Variants in ITPK1 observed in about 807,000 individuals in gnomAD.
The protein encoded by ITPK1 is inositol-tetrakisphosphate 1-kinase.
ITPK1 carries 21 observed loss-of-function variants against 45.3 expected under a neutral mutation model. That is an observed-to-expected ratio of 0.46 (90% CI 0.33 to 0.67). The LOEUF is 0.67. Ranked by LOEUF, ITPK1 falls within the 30% of genes least tolerant of loss-of-function variation. The pLI, the probability that ITPK1 is intolerant of heterozygous loss-of-function variation, is 0.02. For synonymous variants in ITPK1, 258 were observed against 253.6 expected (o/e 1.02, Z -0.16); for missense variants, 474 against 573.5 (o/e 0.83, Z 1.77).
chr14:93,112,309 T>A (rs1387851557), intron 2 of ITPK1, among the ~76,000 whole-genome samples: 1 of 152,156 alleles, frequency 6.6e-6, no homozygotes, highest in Non-Finnish European at 1.5e-5. Context: ...AGGGGCTAGA[T>A]GAGATGATGG....
intron 10 of ITPK1, among the ~76,000 whole-genome samples, chr14:92,943,806 G>T (rs886189295): frequency 6.6e-6 from 1 of 152,260 alleles, no homozygotes; most frequent in African/African-American, 2.4e-5. Context: ...TGTCTGCAGG[G>T]TGGGAAACTG....
At chr14:92,949,915 G>C (rs1804014471) in intron 9 of ITPK1, among the ~76,000 whole-genome samples, 1 of 152,170 alleles carries the variant, frequency 6.6e-6, no homozygotes. Flanking sequence ...AGGCGTTCAT[G>C]GGTCCCCAGT....
intron 3 of ITPK1, among the ~76,000 whole-genome samples, chr14:93,048,879 C>A (rs547639215): frequency 2.1e-4 from 32 of 152,206 alleles, no homozygotes; most frequent in African/African-American, 7.7e-4. Context: ...AACCCAGGAG[C>A]CAGAGGTTGC....
chr14:93,009,956 C>T (rs1404402478), intron 4 of ITPK1, among the ~76,000 whole-genome samples: 3 of 152,182 alleles, frequency 2.0e-5, no homozygotes, highest in African/African-American at 7.2e-5. Context: ...CTTCCCCGGG[C>T]CGCAGTTGTC....
At position 92,941,639 on chromosome 14, in the gene ITPK1, G is replaced by C; in HGVS notation, c.1167C>G (p.Leu389=). ...TGGGCGACACGCCGGCGTTGCAGCC[G>C]AGTCTCTGGTGCGGCAGCTTGGCGG... ...GGTAKLPHQR[L]GCNAGVSPSF... is the part of the protein sequence containing the mutation. Residue 389 remains leucine, a synonymous_variant, in exon 11 of 11, where the codon CTC becomes CTG. Coordinates refer to ENST00000267615, the MANE Select transcript of ITPK1 (RefSeq NM_014216.6). 1 of 1,540,414 alleles carries C rather than the reference G, an allele frequency of 6.5e-7. No individual in the cohort carries two copies. The highest frequency in any genetic ancestry group is 8.7e-7 in the Non-Finnish European group (1 of 1,144,992).
At chr14:93,073,582 C>A (rs1011521048) in intron 3 of ITPK1, among the ~76,000 whole-genome samples, 2 of 152,328 alleles carry the variant, frequency 1.3e-5, no homozygotes, top group South Asian at 4.1e-4. Flanking sequence ...CGGTCACCAG[C>A]GTTTTGCAGT....
At chr14:93,109,773 C>G (rs2047283247) in intron 2 of ITPK1, among the ~76,000 whole-genome samples, 1 of 152,208 alleles carries the variant, frequency 6.6e-6, no homozygotes, top group South Asian at 2.1e-4. Context: ...GCTATGCCCA[C>G]TGAACAGTTT....
chr14:93,016,810 C>G lies in ITPK1; in HGVS notation c.121-9G>C. On this transcript the variant is annotated splice_polypyrimidine_tract_variant and intron_variant, in intron 3 of 10. Transcript: ENST00000267615. This position sits in a 1 kb window ranked among gnomAD's most constrained non-coding sequence, Gnocchi z 5.0. ...GGCCGGCTAAGGTTCAGCTGTGAGGCAGGGAACACAGACAAAAGCAACAAC... is the reference window on the plus strand; with the variant it reads ...GGCCGGCTAAGGTTCAGCTGTGAGGGAGGGAACACAGACAAAAGCAACAAC... The G allele has an allele frequency of 1.2e-6, 2 of 1,613,536 alleles. No homozygotes were observed.
At chr14:93,021,838 C>G (rs569508026) in intron 3 of ITPK1, among the ~76,000 whole-genome samples, 17 of 152,000 alleles carry the variant, frequency 1.1e-4, no homozygotes, top group African/African-American at 3.9e-4. Flanking sequence ...ACCCTAGCAG[C>G]CTCTGCCCCA....
intron 2 of ITPK1, among the ~76,000 whole-genome samples, chr14:93,112,036 C>T (rs1013859606): frequency 2.2e-4 from 33 of 152,144 alleles, no homozygotes; most frequent in African/African-American, 8.0e-4. Context: ...CATCAACGTG[C>T]ACTACCCCCC....
At chr14:92,991,416 C>T (rs1422767024) in intron 5 of ITPK1, among the ~76,000 whole-genome samples, 3 of 151,958 alleles carry the variant, frequency 2.0e-5, no homozygotes, top group Non-Finnish European at 4.4e-5. Context: ...TATGGCCCAC[C>T]CACCCTACAC....
At chr14:93,082,430 C>T (rs1295003321) in intron 2 of ITPK1, among the ~76,000 whole-genome samples, 1 of 151,984 alleles carries the variant, frequency 6.6e-6, no homozygotes, top group Non-Finnish European at 1.5e-5. Context: ...GAGAGCAGAA[C>T]ATGGAACCAG....
At chr14:92,949,999 A>G (rs917259278) in intron 9 of ITPK1, among the ~76,000 whole-genome samples, 3 of 152,206 alleles carry the variant, frequency 2.0e-5, no homozygotes, top group Admixed American at 6.5e-5. Context: ...CTTCTCACCC[A>G]GGAACTCCCT....
Position 92,941,593 on chromosome 14 carries a change from C to T in ITPK1, c.1213G>A (p.Ala405Thr), listed in dbSNP as rs1887405051. The part of the protein sequence containing the change: ...VSPSFQQHCV[A>T]SLATKASSQ ...GAGGAGGCCTTGGTGGCCAGGGAGG[C>T]CACACAATGCTGCTGGAAGCTGGGC... Residue 405 changes from alanine to threonine, a missense_variant, in exon 11 of 11, where the codon GCC (alanine) becomes ACC (threonine). By Grantham distance (58) the Ala-to-Thr change is moderately conservative. This residue lies in a region of ITPK1 where 107 missense variants were observed against 92.9 expected (regional missense o/e 1.15). Transcript: ENST00000267615. The T allele has an allele frequency of 3.3e-6, 5 of 1,537,264 alleles. No individual in the cohort carries two copies. The highest frequency in any genetic ancestry group is 2.8e-5 in the African/African-American group (2 of 72,458).
intron 3 of ITPK1, among the ~76,000 whole-genome samples, chr14:93,029,336 G>C (rs1037214959): frequency 6.6e-6 from 1 of 152,102 alleles, no homozygotes; most frequent in Non-Finnish European, 1.5e-5. Context: ...CCTGAGCTTA[G>C]TTGTGTCTGT....
At chr14:92,999,040 G>T (rs1029891695) in intron 4 of ITPK1, 3 of 152,192 alleles carry the variant, frequency 2.0e-5, no homozygotes, top group Non-Finnish European at 4.4e-5. Context: ...TCTTAAATGT[G>T]ACCCCAAAAG....
intron 4 of ITPK1, among the ~76,000 whole-genome samples, chr14:93,006,171 A>C (rs1887604923): frequency 6.6e-6 from 1 of 152,214 alleles, no homozygotes; most frequent in South Asian, 2.1e-4. Context: ...AGCCACACTT[A>C]GGATCCATCA....
intron 2 of ITPK1, among the ~76,000 whole-genome samples, chr14:93,113,048 T>A (rs1454711959): frequency 6.6e-6 from 1 of 152,244 alleles, no homozygotes; most frequent in Non-Finnish European, 1.5e-5. Flanking sequence ...TTTGGTGTTT[T>A]CTTTTCCTTC....
intron 3 of ITPK1, among the ~76,000 whole-genome samples, chr14:93,039,212 G>C (rs1447389471): frequency 6.6e-6 from 1 of 152,178 alleles, no homozygotes; most frequent in Non-Finnish European, 1.5e-5. Context: ...TCTGGCCCCA[G>C]CATGCTTTGG....
Sources: allele counts gnomAD v4.1 joint callset (sites outside exome capture counted in the v4.1 genomes callset), GRCh38; gene constraint gnomAD v4.1.1; regional missense constraint gnomAD v4.1.1; non-coding constraint Gnocchi (gnomAD v3.1); transcripts MANE v1.5; gene names NCBI Gene and HGNC (gene_info 2026-07-23, HGNC 2026-07-21).